The following BCL2 variants were observed in gnomAD, a reference collection of about 807,000 sequenced individuals.
BCL2 encodes the protein apoptosis regulator Bcl-2.
Under a neutral mutation model 14.2 loss-of-function variants are expected in BCL2, and 1 was observed. The observed-to-expected ratio is 0.07, with a 90% CI of 0.02 to 0.33. The LOEUF is 0.33. Among genes scored for constraint, BCL2 ranks in the 10% least tolerant of loss-of-function variants. BCL2 has a pLI of 0.99. For missense variants in BCL2, 247 were observed against 305.9 expected, an observed-to-expected ratio of 0.81 and a Z score of 1.44; for synonymous variants, 151 against 137.2, an observed-to-expected ratio of 1.10 and a Z score of -0.70.
At chr18:63,256,762 G>A (rs974839821) in intron 2 of BCL2, among the ~76,000 whole-genome samples, 3 of 152,136 alleles carry the variant, frequency 2.0e-5, no homozygotes, top group African/African-American at 7.2e-5. Context: ...TTCACACAAA[G>A]CCTGCCCCCT....
At chr18:63,214,547 A>G (rs1464451740) in intron 2 of BCL2, among the ~76,000 whole-genome samples, 2 of 152,260 alleles carry the variant, frequency 1.3e-5, no homozygotes, top group East Asian at 3.9e-4. Context: ...GTACCATTTG[A>G]GCTTTTGACA....
intron 2 of BCL2, among the ~76,000 whole-genome samples, chr18:63,270,683 C>T (rs1911980489): frequency 6.6e-6 from 1 of 152,070 alleles, no homozygotes; most frequent in African/African-American, 2.4e-5. Context: ...TCACTGCATA[C>T]CTTTTGGGAC....
intron 2 of BCL2, among the ~76,000 whole-genome samples, chr18:63,138,809 C>A (rs977813340): frequency 1.1e-4 from 17 of 152,250 alleles, no homozygotes; most frequent in African/African-American, 4.1e-4. Context: ...TGCCCGCTTA[C>A]CACAGTTGGT....
intron 2 of BCL2, among the ~76,000 whole-genome samples, chr18:63,206,843 G>A (rs898997665): frequency 6.6e-6 from 1 of 152,198 alleles, no homozygotes; most frequent in Admixed American, 6.5e-5. Context: ...GCAGTGGGGC[G>A]GGGAGGAGGA....
intron 2 of BCL2, among the ~76,000 whole-genome samples, chr18:63,153,877 G>T (rs1914711512): frequency 6.6e-6 from 1 of 152,220 alleles, no homozygotes; most frequent in South Asian, 2.1e-4. Flanking sequence ...AGAAGACAAT[G>T]ATGACTCTGG....
At chr18:63,275,406 T>A (rs983816833) in intron 2 of BCL2, among the ~76,000 whole-genome samples, 1 of 152,046 alleles carries the variant, frequency 6.6e-6, no homozygotes, top group Non-Finnish European at 1.5e-5. Context: ...TTAAAGTGGC[T>A]CTCCCCTTCC....
chr18:63,249,739 C>T (rs1049945719), intron 2 of BCL2, among the ~76,000 whole-genome samples: 1 of 143,780 alleles, frequency 7.0e-6, no homozygotes, highest in Non-Finnish European at 1.5e-5. Flanking sequence ...AAAAGGCAAG[C>T]TCTGAATTTA....
intron 2 of BCL2, among the ~76,000 whole-genome samples, chr18:63,293,659 T>C (rs905704670): frequency 6.6e-6 from 1 of 152,162 alleles, no homozygotes; most frequent in Non-Finnish European, 1.5e-5. Context: ...ATGGTGCTTG[T>C]TCTGGGGCTG....
At chr18:63,143,110 A>T (rs945881038) in intron 2 of BCL2, among the ~76,000 whole-genome samples, 3 of 152,358 alleles carry the variant, frequency 2.0e-5, no homozygotes, top group African/African-American at 7.2e-5. Flanking sequence ...ATAGCTGTTT[A>T]CGGCGAAGGA....
intron 2 of BCL2, among the ~76,000 whole-genome samples, chr18:63,146,571 G>C (rs1475171038): frequency 6.6e-6 from 1 of 152,242 alleles, no homozygotes; most frequent in East Asian, 1.9e-4. Context: ...ACTGGAGAGG[G>C]ATTTGTGTTG....
intron 2 of BCL2, among the ~76,000 whole-genome samples, chr18:63,284,186 G>A (rs1279735984): frequency 6.6e-6 from 1 of 152,060 alleles, no homozygotes; most frequent in Non-Finnish European, 1.5e-5. Context: ...TTATTAAATT[G>A]GTCTGAGATG....
chr18:63,198,989 ACC>A (rs1491354579), intron 2 of BCL2, among the ~76,000 whole-genome samples: 1 of 143,996 alleles, frequency 6.9e-6, no homozygotes, highest in Non-Finnish European at 1.5e-5. Flanking sequence ...ACACAGAGAC[ACC>A]CACAGACATA....
At chr18:63,305,069 A>G (rs139726044) in intron 2 of BCL2, among the ~76,000 whole-genome samples, 1 of 152,332 alleles carries the variant, frequency 6.6e-6, no homozygotes, top group African/African-American at 2.4e-5. Context: ...CGCCTGGCTC[A>G]TAAGCGCATC....
At chr18:63,213,033 T>C (rs747956077) in intron 2 of BCL2, among the ~76,000 whole-genome samples, 2 of 152,208 alleles carry the variant, frequency 1.3e-5, no homozygotes, top group Non-Finnish European at 2.9e-5. Flanking sequence ...TAGGACTAAG[T>C]GCTGAAGCCA....
chr18:63,153,704 G>T lies in BCL2; in HGVS notation c.586-24945C>A, dbSNP rs142794872. Among the ~76,000 whole-genome samples the T allele has an allele frequency of 3.9e-3, 588 of 152,284 alleles. 3 individuals carry two copies. Among genetic ancestry groups the T allele is most frequent in the African/African-American group, 0.013 (559 of 41,536 alleles). ...CAGCCAAATCCTGAGACTCATCAAGGCAGGATTTCCTACCCAACAGCAAGA... is the reference window on the plus strand; with the variant it reads ...CAGCCAAATCCTGAGACTCATCAAGTCAGGATTTCCTACCCAACAGCAAGA... On this transcript the variant is annotated intron_variant, in intron 2 of 2. Coordinates refer to ENST00000333681, the MANE Select transcript of BCL2 (RefSeq NM_000633.3).
chr18:63,267,810 G>A (rs1224108985), intron 2 of BCL2, among the ~76,000 whole-genome samples: 1 of 152,118 alleles, frequency 6.6e-6, no homozygotes, highest in Non-Finnish European at 1.5e-5. Context: ...CTGTAATGCA[G>A]GTAAATCCCT....
chr18:63,230,659 G>T (rs1010316461), intron 2 of BCL2, among the ~76,000 whole-genome samples: 1 of 151,990 alleles, frequency 6.6e-6, no homozygotes, highest in East Asian at 1.9e-4. Context: ...ATAGAGTAAA[G>T]ATTTTAAAGC....
intron 2 of BCL2, among the ~76,000 whole-genome samples, chr18:63,172,767 G>A (rs535666098): frequency 1.3e-5 from 2 of 152,124 alleles, no homozygotes; most frequent in Admixed American, 6.5e-5. Flanking sequence ...GGCGACAGAG[G>A]AAGACTGTGT....
At chr18:63,260,645 T>C (rs1462303961) in intron 2 of BCL2, among the ~76,000 whole-genome samples, 3 of 152,124 alleles carry the variant, frequency 2.0e-5, no homozygotes, top group Non-Finnish European at 4.4e-5. Flanking sequence ...AATGAGGCTC[T>C]GCGTTATGAA....
Sources: gnomAD v4.1 joint callset for allele counts (sites outside exome capture counted in the v4.1 genomes callset) on GRCh38, gnomAD v4.1.1 for gene constraint, MANE v1.5 for transcripts, NCBI Gene and HGNC (gene_info 2026-07-23, HGNC 2026-07-21) for gene names.